PRKG1: variants seen among roughly 807,000 people sequenced by gnomAD.
The protein encoded by PRKG1 is cGMP-dependent protein kinase 1.
PRKG1 carries 35 observed loss-of-function variants against 88.1 expected under a neutral mutation model. The observed-to-expected ratio is 0.40, with a 90% confidence interval of 0.30 to 0.53. The LOEUF (loss-of-function observed/expected upper bound fraction) is 0.53. Among genes scored for constraint, PRKG1 ranks in the 20% least tolerant of loss-of-function variants. PRKG1 has a pLI of 0.59. For missense variants in PRKG1, 540 were observed against 839.8 expected (o/e 0.64, Z 4.41); for synonymous variants, 303 against 292.5 (o/e 1.04, Z -0.37).
intron 5 of PRKG1, among the ~76,000 whole-genome samples, chr10:51,973,786 G>A (rs906007961): frequency 2.6e-5 from 4 of 152,002 alleles, no homozygotes; most frequent in African/African-American, 4.8e-5. Context: ...AAACATAAAC[G>A]GGCAGGGAGT....
At chr10:51,697,925 C>A in intron 3 of PRKG1, 1 of 1,601,272 alleles carries the variant, frequency 6.2e-7, no homozygotes, top group Non-Finnish European at 8.5e-7. Flanking sequence ...TCCTTGTATA[C>A]CTCCTCCTTG....
rs375391427 is a variant in PRKG1 at position 52,210,628 on chromosome 10, A to C, written c.1077-40942A>C. 7.2e-5 allele frequency among the ~76,000 whole-genome samples: 11 copies of C among 152,228 alleles called. No individual in the cohort carries two copies. In the East Asian group the frequency reaches 9.6e-4, roughly 13 times the overall value. On this transcript the variant is annotated intron_variant, in intron 9 of 17. Coordinates refer to ENST00000373980, the MANE Select transcript of PRKG1 (RefSeq NM_006258.4). ...GTGCAAATATTGGTCTTCTATAAAC[A>C]TTTATGGAATAAAACAAAGAAAAAT... is the stretch of plus-strand genomic sequence containing the variant.
chr10:52,084,499 C>T (rs926554533), intron 7 of PRKG1, among the ~76,000 whole-genome samples: 2 of 152,130 alleles, frequency 1.3e-5, no homozygotes, highest in East Asian at 3.9e-4. Context: ...TACATTTACT[C>T]AATTTCACCG....
chr10:51,221,063 T>A (rs1026767608), intron 2 of PRKG1, among the ~76,000 whole-genome samples: 2 of 152,052 alleles, frequency 1.3e-5, no homozygotes, highest in African/African-American at 4.8e-5. Context: ...AAAATATATT[T>A]TAATGAAAGT....
At chr10:51,730,903 C>T (rs560084893) in intron 3 of PRKG1, among the ~76,000 whole-genome samples, 2 of 152,316 alleles carry the variant, frequency 1.3e-5, no homozygotes, top group South Asian at 2.1e-4. Context: ...TGCCTGTAAT[C>T]CCAGCACTTT....
At chr10:51,297,169 G>T (rs1589327918) in intron 2 of PRKG1, among the ~76,000 whole-genome samples, 1 of 152,014 alleles carries the variant, frequency 6.6e-6, no homozygotes, top group Non-Finnish European at 1.5e-5. Context: ...TGTAAGATTG[G>T]TTGATTTGTA....
intron 2 of PRKG1, among the ~76,000 whole-genome samples, chr10:51,412,742 T>G (rs1838129612): frequency 6.6e-6 from 1 of 152,124 alleles, no homozygotes; most frequent in African/African-American, 2.4e-5. Context: ...GGAAGAAAAC[T>G]TACTGAGAAA....
At chr10:51,528,266 G>A (rs986165832) in intron 3 of PRKG1, among the ~76,000 whole-genome samples, 6 of 152,088 alleles carry the variant, frequency 3.9e-5, no homozygotes, top group Non-Finnish European at 8.8e-5. Flanking sequence ...TTTTTCATTT[G>A]TGGTAGTTAT....
intron 3 of PRKG1, among the ~76,000 whole-genome samples, chr10:51,578,613 T>A (rs1242568155): frequency 2.0e-5 from 3 of 152,160 alleles, no homozygotes. Context: ...AGAAGGCTGA[T>A]GCTTTCAAAT....
chr10:51,907,698 A>T, intron 5 of PRKG1, 128 bp downstream of exon 5: 1 of 740,944 alleles, frequency 1.3e-6, no homozygotes. Flanking sequence ...CTCTGGGATG[A>T]GCTATATATT....
At chr10:51,752,627 A>G (rs905078492) in intron 3 of PRKG1, among the ~76,000 whole-genome samples, 1 of 152,148 alleles carries the variant, frequency 6.6e-6, no homozygotes, top group Non-Finnish European at 1.5e-5. Flanking sequence ...ATAGATGCAG[A>G]TGAACATTTA....
chr10:51,132,841 T>A (rs1845603608), intron 1 of PRKG1, among the ~76,000 whole-genome samples: 1 of 151,766 alleles, frequency 6.6e-6, no homozygotes, highest in Non-Finnish European at 1.5e-5. Flanking sequence ...AGTGAAGTAA[T>A]GGATATGTTA....
Position 51,479,153 on chromosome 10 carries a change from A to C in PRKG1, c.592+11317A>C, listed in dbSNP as rs190793780. Among the ~76,000 whole-genome samples, 805 of 152,150 alleles carry C rather than the reference A, an allele frequency of 5.3e-3. 11 individuals carry two copies. Among genetic ancestry groups the C allele is most frequent in the African/African-American group, 0.018 (756 of 41,550 alleles). On this transcript the variant is annotated intron_variant, in intron 3 of 17. Transcript: ENST00000373980. ...CAGAAAAACTTAGACCATGGACAAC[A>C]GTAAACAATGATAAAAACAGCAGAA...
intron 3 of PRKG1, among the ~76,000 whole-genome samples, chr10:51,655,909 T>C (rs1018218954): frequency 2.6e-5 from 4 of 152,142 alleles, no homozygotes; most frequent in African/African-American, 9.7e-5. Flanking sequence ...TAAATACTGC[T>C]TAATTCTACC....
At chr10:52,258,387 TAA>T (rs1480647467) in intron 10 of PRKG1, among the ~76,000 whole-genome samples, 2 of 143,110 alleles carry the variant, frequency 1.4e-5, no homozygotes, top group African/African-American at 4.9e-5. Flanking sequence ...ATTTCTTTAA[TAA>T]AATAACCTTT....
intron 2 of PRKG1, among the ~76,000 whole-genome samples, chr10:51,421,671 C>T (rs1215089986): frequency 1.3e-5 from 2 of 152,170 alleles, no homozygotes; most frequent in Non-Finnish European, 2.9e-5. Flanking sequence ...GTGCCCTCTC[C>T]AGAGCATCAT....
chr10:51,497,348 A>G (rs1463076242), intron 3 of PRKG1, among the ~76,000 whole-genome samples: 1 of 152,168 alleles, frequency 6.6e-6, no homozygotes, highest in Non-Finnish European at 1.5e-5. Context: ...ATAAACACTA[A>G]TTGAGCACCT....
intron 3 of PRKG1, among the ~76,000 whole-genome samples, chr10:51,468,330 A>G (rs920151379): frequency 6.6e-6 from 1 of 151,784 alleles, no homozygotes; most frequent in Non-Finnish European, 1.5e-5. Flanking sequence ...ATCTGAGTAT[A>G]TTTTTGCCCT....
At chr10:52,018,540 C>A (rs926476484) in intron 5 of PRKG1, among the ~76,000 whole-genome samples, 3 of 152,048 alleles carry the variant, frequency 2.0e-5, no homozygotes, top group Admixed American at 6.6e-5. Context: ...GCTCTGTAAC[C>A]AAAACAGTCA....
Sources: gnomAD v4.1 joint callset for allele counts (sites outside exome capture counted in the v4.1 genomes callset) on GRCh38, gnomAD v4.1.1 for gene constraint, MANE v1.5 for transcripts, NCBI Gene and HGNC (gene_info 2026-07-23, HGNC 2026-07-21) for gene names.